SLCO1A2: variants seen among roughly 807,000 people sequenced by gnomAD.
SLCO1A2 encodes the protein OATP-1.
SLCO1A2 carries 67 observed loss-of-function variants against 69.0 expected under a neutral mutation model. That is an observed-to-expected ratio of 0.97 (90% CI 0.80 to 1.19). The LOEUF (loss-of-function observed/expected upper bound fraction) is 1.19. Ranked by LOEUF, SLCO1A2 falls within the 50% of genes most tolerant of loss-of-function variation. The pLI is 0.00. For missense variants in SLCO1A2, 787 were observed against 793.7 expected (o/e 0.99, Z 0.10); for synonymous variants, 260 against 265.9 (o/e 0.98, Z 0.22).
chr12:21,336,042 A>G (rs565805314), upstream of SLCO1A2, among the ~76,000 whole-genome samples: 4 of 152,160 alleles, frequency 2.6e-5, no homozygotes, highest in Admixed American at 2.6e-4. Context: ...AGGAAATGCA[A>G]TTTGCTTGGT....
chr12:21,325,193 T>C (rs911315053), intron 2 of SLCO1A2, among the ~76,000 whole-genome samples: 1 of 152,068 alleles, frequency 6.6e-6, no homozygotes, highest in Non-Finnish European at 1.5e-5. Context: ...CTAGTTTCCA[T>C]TTAGTGTGTC....
At chr12:21,378,475 G>A (rs373545779) in intron 1 of SLCO1A2, 1 of 1,490,924 alleles carries the variant, frequency 6.7e-7, no homozygotes, top group Admixed American at 1.7e-5. Context: ...GTGATTTCCT[G>A]TATAATTTAA....
At chr12:21,351,872 G>A (rs1452633990) in intron 2 of SLCO1A2, among the ~76,000 whole-genome samples, 2 of 151,934 alleles carry the variant, frequency 1.3e-5, no homozygotes, top group Non-Finnish European at 2.9e-5. Flanking sequence ...GCTTTGTTAC[G>A]TTTCTAAATA....
At chr12:21,279,889 A>G (rs1021733762) in intron 12 of SLCO1A2, among the ~76,000 whole-genome samples, 1 of 152,214 alleles carries the variant, frequency 6.6e-6, no homozygotes, top group Non-Finnish European at 1.5e-5. Context: ...ACAACTTTTC[A>G]AGACACAGAC....
intron 12 of SLCO1A2, among the ~76,000 whole-genome samples, chr12:21,290,660 A>G (rs1465893693): frequency 3.3e-5 from 5 of 152,186 alleles, no homozygotes; most frequent in African/African-American, 1.2e-4. Flanking sequence ...TAGATTTGAG[A>G]TGGCTTAAAA....
At chr12:21,269,834 T>TATC (rs1303720805) in intron 14 of SLCO1A2, 67 bp from the exon 15 acceptor site, 2 of 1,222,290 alleles carry the variant, frequency 1.6e-6, no homozygotes, top group African/African-American at 3.1e-5. Flanking sequence ...TAAATTTGTA[T>TATC]ATCTTTGTAT....
intron 14 of SLCO1A2, among the ~76,000 whole-genome samples, chr12:21,273,780 T>C (rs1351570781): frequency 6.6e-6 from 1 of 152,170 alleles, no homozygotes; most frequent in East Asian, 1.9e-4. Flanking sequence ...CCATACTTCT[T>C]GATATGTGTC....
At chr12:21,284,579 A>T (rs1308537096) in intron 12 of SLCO1A2, among the ~76,000 whole-genome samples, 1 of 150,112 alleles carries the variant, frequency 6.7e-6, no homozygotes, top group African/African-American at 2.5e-5. Context: ...CACCACACCT[A>T]TTCCAAAATT....
chr12:21,401,901 A>G (rs866713105), intron 1 of SLCO1A2, among the ~76,000 whole-genome samples: 158 of 151,684 alleles, frequency 1.0e-3, no homozygotes, highest in African/African-American at 3.6e-3. Context: ...AGAAATATAC[A>G]TATACATAAT....
At chr12:21,363,797 A>C (rs910173235) in intron 2 of SLCO1A2, among the ~76,000 whole-genome samples, 9 of 152,232 alleles carry the variant, frequency 5.9e-5, no homozygotes, top group Non-Finnish European at 8.8e-5. Flanking sequence ...GAAAATCTAG[A>C]AGAAATGGAT....
chr12:21,326,065 T>A lies in SLCO1A2; in HGVS notation c.61-7142A>T, dbSNP rs374700732. Among the ~76,000 whole-genome samples, 218 of 152,250 alleles carry A rather than the reference T, an allele frequency of 1.4e-3. 7 individuals carry two copies. The South Asian group carries it at 0.044, about 31-fold the overall frequency. On this transcript the variant is annotated intron_variant, in intron 2 of 14. Transcript: ENST00000683939. ...AAGTAATTGGATCATAGGGGTGGGT[T>A]TTCCCATGCTGTTCTGTGATAGTGA...
intron 2 of SLCO1A2, among the ~76,000 whole-genome samples, chr12:21,366,397 C>T (rs1364820026): frequency 4.9e-4 from 8 of 16,390 alleles, no homozygotes; most frequent in African/African-American, 1.6e-3. Flanking sequence ...ACGGGCCTGC[C>T]GGGGGGTGGG....
intron 1 of SLCO1A2, among the ~76,000 whole-genome samples, chr12:21,413,445 T>C (rs764467006): frequency 5.3e-5 from 8 of 151,920 alleles, no homozygotes; most frequent in Non-Finnish European, 1.2e-4. Flanking sequence ...TTTCTCCATG[T>C]TGGCCAGGCT....
At chr12:21,315,844 C>T (rs931873938) in intron 3 of SLCO1A2, among the ~76,000 whole-genome samples, 47 of 152,186 alleles carry the variant, frequency 3.1e-4, no homozygotes, top group African/African-American at 8.9e-4. Flanking sequence ...AACTTTCCTT[C>T]TTCACGTAAG....
At chr12:21,334,491 T>G in intron 2 of SLCO1A2, 97 bp downstream of exon 2, 2 of 827,708 alleles carry the variant, frequency 2.4e-6, no homozygotes, top group Non-Finnish European at 3.9e-6. Flanking sequence ...GCATTAATAT[T>G]AGATCACTTC....
At chr12:21,361,355 A>G (rs1207331739) in intron 2 of SLCO1A2, among the ~76,000 whole-genome samples, 1 of 152,162 alleles carries the variant, frequency 6.6e-6, no homozygotes, top group East Asian at 1.9e-4. Context: ...AACAAACAGA[A>G]AGGACATCCA....
chr12:21,283,606 A>C (rs1008854990), intron 12 of SLCO1A2, among the ~76,000 whole-genome samples: 1 of 152,192 alleles, frequency 6.6e-6, no homozygotes, highest in African/African-American at 2.4e-5. Flanking sequence ...TCTGCACAGC[A>C]AAGGAAACAA....
Position 21,275,403 on chromosome 12 carries a change from C to G in SLCO1A2, c.1632G>C (p.Lys544Asn). 6.6e-7 allele frequency: 1 copy of G among 1,518,726 alleles called. No homozygotes were observed. Among genetic ancestry groups the G allele is most frequent in the Non-Finnish European group, 8.9e-7 (1 of 1,125,340 alleles). 94.1% of individuals were successfully genotyped at this position (1,518,726 alleles called of 1,614,324 possible). A position where few individuals can be genotyped will look rare whatever the true frequency, so the allele number is the denominator to read the frequency against. Residue 544 changes from lysine (K) to asparagine (N), a missense_variant, in exon 13 of 15, where the codon AAG becomes AAC. Coordinates refer to ENST00000683939, the MANE Select transcript of SLCO1A2 (RefSeq NM_001386879.1). ...ATGTATGTAATCCCACACCAAGGGA[C>G]TTCTCTTCAGATTTCATACACCTGA... ...VLLRCMKSEE[K>N]SLGVGLHTFC...
At chr12:21,316,049 G>A (rs1008107558) in intron 3 of SLCO1A2, among the ~76,000 whole-genome samples, 1 of 152,088 alleles carries the variant, frequency 6.6e-6, no homozygotes, top group African/African-American at 2.4e-5. Context: ...TTCTCCTCAA[G>A]CTACCTATCA....
Sources: gnomAD v4.1 joint callset for allele counts (sites outside exome capture counted in the v4.1 genomes callset) on GRCh38, gnomAD v4.1.1 for gene constraint, MANE v1.5 for transcripts, NCBI Gene and HGNC (gene_info 2026-07-23, HGNC 2026-07-21) for gene names.